BPIFB6: variants seen among roughly 807,000 people sequenced by gnomAD.
BPIFB6 encodes BPI fold-containing family B member 6.
Under a neutral mutation model 54.7 loss-of-function variants are expected in BPIFB6, and 47 were observed. The observed-to-expected ratio is 0.86, with a 90% CI of 0.68 to 1.10. BPIFB6 has a LOEUF of 1.10. Among genes scored for constraint, BPIFB6 ranks in the 50% least tolerant of loss-of-function variants. BPIFB6 has a pLI of 0.00. For synonymous variants in BPIFB6, 255 were observed against 225.9 expected, an observed-to-expected ratio of 1.13 and a Z score of -1.16; for missense variants, 603 against 564.1, an observed-to-expected ratio of 1.07 and a Z score of -0.70.
chr20:33,039,484 G>T lies in BPIFB6; in HGVS notation c.1038G>T (p.Arg346=). Residue 346 remains arginine (R), a synonymous_variant, in exon 10 of 15, where the codon CGG becomes CGT. Coordinates refer to ENST00000349552, the MANE Select transcript of BPIFB6 (RefSeq NM_174897.2). The part of the protein sequence containing the change: ...STLEMFAARW[R]SKAPMSLFLL... ...TGGAGATGTTCGCAGCTCGGTGGCG[G>T]AGCAAGGCTCCAATGTCCCTCTTTC... The T allele has an allele frequency of 6.2e-7, 1 of 1,613,586 alleles. No homozygotes were observed. Among genetic ancestry groups the T allele is most frequent in the Non-Finnish European group, 8.5e-7 (1 of 1,179,832 alleles).
At chr20:33,043,977 C>T (rs751817674) in intron 14 of BPIFB6, 38 bp from the exon 15 acceptor site, 1 of 1,613,578 alleles carries the variant, frequency 6.2e-7, no homozygotes, top group South Asian at 1.1e-5. Context: ...CTAGGTGGTC[C>T]CTGGTCATTG....
In BPIFB6 at chr20:33,031,697, G is replaced by A. The variant is rs767159371; in HGVS notation, c.50G>A (p.Arg17Gln). ...LALCSLLTGT[R>Q]ADPGALLRLG... ...CTCTGCAGCCTGCTGACTGGCACGC[G>A]AGCTGACCCTGGGGCACTGCTGCGG... Residue 17 changes from arginine to glutamine, a missense_variant, in exon 1 of 15, where the codon CGA (arginine) becomes CAA (glutamine). By Grantham distance (43) the Arg-to-Gln change is conservative. Transcript: ENST00000349552. 5.5e-5 allele frequency: 88 copies of A among 1,613,978 alleles called. No individual in the cohort carries two copies. The African/African-American group carries it at 6.0e-4, about 11-fold the overall frequency.
intron 8 of BPIFB6, among the ~76,000 whole-genome samples, chr20:33,038,235 G>T (rs888258605): frequency 6.6e-6 from 1 of 151,734 alleles, no homozygotes; most frequent in Non-Finnish European, 1.5e-5. Context: ...CCTCCTACTC[G>T]TCCACTCATT....
At chr20:33,042,159 G>A (rs976000842) in intron 12 of BPIFB6, 144 bp downstream of exon 12, 30 of 774,984 alleles carry the variant, frequency 3.9e-5, no homozygotes, top group South Asian at 1.0e-4. Context: ...CTGACTTGCC[G>A]TGTGAGCTTA....
At chr20:33,042,096 C>A in intron 12 of BPIFB6, 81 bp downstream of exon 12, 1 of 1,434,370 alleles carries the variant, frequency 7.0e-7, no homozygotes, top group Non-Finnish European at 9.8e-7. Flanking sequence ...AGGGCCGAGG[C>A]CCTGAAATGG....
chr20:33,039,633 T>C, intron 10 of BPIFB6, 113 bp downstream of exon 10: 1 of 1,189,298 alleles, frequency 8.4e-7, no homozygotes, highest in South Asian at 1.6e-5. Context: ...TCAGTTAATC[T>C]TGATTATGTC....
chr20:33,037,152 G>A (rs1979377951), intron 7 of BPIFB6, among the ~76,000 whole-genome samples: 1 of 152,200 alleles, frequency 6.6e-6, no homozygotes, highest in Admixed American at 6.5e-5. Flanking sequence ...TTTCAGGAAC[G>A]TGAAGTAAAA....
chr20:33,032,045 C>T (rs1180812282), intron 1 of BPIFB6, among the ~76,000 whole-genome samples: 2 of 152,170 alleles, frequency 1.3e-5, no homozygotes, highest in Admixed American at 1.3e-4. Context: ...GTGGGAGTGA[C>T]AGACAAGGGT....
Position 33,037,686 on chromosome 20 carries a change from C to A in BPIFB6, c.794C>A (p.Ala265Glu), listed in dbSNP as rs779246830. 2 of 1,614,076 alleles carry A rather than the reference C, an allele frequency of 1.2e-6. No individual in the cohort carries two copies. Among genetic ancestry groups the A allele is most frequent in the Non-Finnish European group, 1.7e-6 (2 of 1,180,028 alleles). Residue 265 changes from alanine (A) to glutamate (E), a missense_variant, in exon 8 of 15, where the codon GCA (alanine) becomes GAA (glutamate). Coordinates refer to ENST00000349552, the MANE Select transcript of BPIFB6 (RefSeq NM_174897.2). Reference protein sequence around the residue: ...QLLLPATFLSAELALLQKSFH... With the variant: ...QLLLPATFLSEELALLQKSFH... ...CTGCTCCCAGCCACCTTCCTCTCTG[C>A]AGAGCTTGCCCTTCTGCAGAAGTCC...
At chr20:33,037,447 A>T in intron 7 of BPIFB6, 115 bp from the exon 8 acceptor site, 2 of 1,018,470 alleles carry the variant, frequency 2.0e-6, no homozygotes, top group South Asian at 1.6e-5. Flanking sequence ...AATAAGATTT[A>T]ATGATTTGCT....
At chr20:33,039,208 G>A in intron 9 of BPIFB6, 139 bp from the exon 10 acceptor site, 1 of 984,618 alleles carries the variant, frequency 1.0e-6, no homozygotes, top group Non-Finnish European at 1.5e-6. Context: ...TTTATTTCCT[G>A]ATAGACACAT....
intron 11 of BPIFB6, among the ~76,000 whole-genome samples, chr20:33,041,225 A>T (rs1348099050): frequency 6.6e-6 from 1 of 151,934 alleles, no homozygotes; most frequent in Non-Finnish European, 1.5e-5. Context: ...TTCTGACCTC[A>T]TGATCCACCC....
Position 33,036,443 on chromosome 20 carries a change from A to G in BPIFB6, c.578-2A>G, listed in dbSNP as rs779684392. 6.2e-7 allele frequency: 1 copy of G among 1,610,732 alleles called. No homozygotes were observed. The highest frequency in any genetic ancestry group is 8.5e-7 in the Non-Finnish European group (1 of 1,178,300). ...TTTGAGTGGAACCTCCTTTTCACAC[A>G]GACCCCATGCCTGTGGGCCAGATGG... On this transcript the variant is annotated splice_acceptor_variant, in intron 6 of 14. Transcript: ENST00000349552. LOFTEE classifies it high-confidence loss of function.
chr20:33,033,719 C>T, intron 2 of BPIFB6: 1 of 447,968 alleles, frequency 2.2e-6, no homozygotes, highest in South Asian at 1.6e-5. Context: ...GGACATTTTT[C>T]ATTGTCACAA....
At chr20:33,034,640 C>T (rs554035817) in intron 3 of BPIFB6, 123 bp from the exon 4 acceptor site, 3 of 1,132,674 alleles carry the variant, frequency 2.6e-6, no homozygotes, top group South Asian at 3.0e-5. Flanking sequence ...CCTTTTCTGT[C>T]TTGTAGGGGT....
intron 6 of BPIFB6, 111 bp from the exon 7 acceptor site, chr20:33,036,334 T>C: frequency 2.5e-6 from 2 of 815,340 alleles, no homozygotes; most frequent in South Asian, 3.3e-5. Context: ...CTAAGGAATT[T>C]GCCTTGAGTC....
chr20:33,033,353 C>T, intron 2 of BPIFB6: 2 of 552,022 alleles, frequency 3.6e-6, no homozygotes, highest in South Asian at 1.5e-5. Context: ...CAAATTTCAA[C>T]TCTGCATGCA....
chr20:33,033,550 G>A (rs764667464), intron 2 of BPIFB6: 16 of 456,584 alleles, frequency 3.5e-5, no homozygotes, highest in African/African-American at 6.0e-5. Context: ...GTCTGCACTC[G>A]GCAGGAACTA....
chr20:33,037,682 T>C lies in BPIFB6; in HGVS notation c.790T>C (p.Ser264Pro). 6.2e-7 allele frequency: 1 copy of C among 1,614,100 alleles called. No individual in the cohort carries two copies. The highest frequency in any genetic ancestry group is 8.5e-7 in the Non-Finnish European group (1 of 1,180,042). Residue 264 changes from serine to proline, a missense_variant, in exon 8 of 15, where the codon TCT (serine) becomes CCT (proline). By Grantham distance (74) the Ser-to-Pro change is moderately conservative. Coordinates refer to ENST00000349552, the MANE Select transcript of BPIFB6 (RefSeq NM_174897.2). ...GCTGCTGCTCCCAGCCACCTTCCTC[T>C]CTGCAGAGCTTGCCCTTCTGCAGAA... The part of the protein sequence containing the change: ...SQLLLPATFL[S>P]AELALLQKSF...
Sources: gnomAD v4.1 joint callset for allele counts (sites outside exome capture counted in the v4.1 genomes callset) on GRCh38, gnomAD v4.1.1 for gene constraint, MANE v1.5 for transcripts, NCBI Gene and HGNC (gene_info 2026-07-23, HGNC 2026-07-21) for gene names.